PPA2: variants seen among roughly 807,000 people sequenced by gnomAD.
The protein encoded by PPA2 is inorganic pyrophosphatase 2, mitochondrial.
Under a neutral mutation model 49.5 loss-of-function variants are expected in PPA2, and 48 were observed. That is an observed-to-expected ratio of 0.97 (90% confidence interval 0.77 to 1.23). The LOEUF (loss-of-function observed/expected upper bound fraction) is 1.23. PPA2 is among the 50% of genes most tolerant of loss of function. The pLI is 0.00. For missense variants in PPA2, 429 were observed against 410.1 expected (o/e 1.05, Z -0.40); for synonymous variants, 131 against 139.9 (o/e 0.94, Z 0.45).
At chr4:105,398,951 A>G in intron 8 of PPA2, 86 bp downstream of exon 8, 1 of 1,427,214 alleles carries the variant, frequency 7.0e-7, no homozygotes, top group Admixed American at 2.2e-5. Context: ...CTATATATAC[A>G]TATTCACATA....
chr4:105,411,950 C>A (rs1048622645), intron 7 of PPA2, among the ~76,000 whole-genome samples: 8 of 152,136 alleles, frequency 5.3e-5, no homozygotes, highest in African/African-American at 1.9e-4. Flanking sequence ...AAGCCACAAA[C>A]AAATGGAAAA....
chr4:105,441,549 T>A (rs899140775), intron 5 of PPA2, among the ~76,000 whole-genome samples: 66 of 152,162 alleles, frequency 4.3e-4, no homozygotes, highest in African/African-American at 1.6e-3. Context: ...ATACAACTCA[T>A]AATTTGACTA....
At chr4:105,432,481 T>A (rs1178450183) in intron 6 of PPA2, among the ~76,000 whole-genome samples, 2 of 152,218 alleles carry the variant, frequency 1.3e-5, no homozygotes, top group Non-Finnish European at 2.9e-5. Flanking sequence ...TAGAATTCTG[T>A]CATTTTGAAT....
chr4:105,403,813 G>T (rs1452174280), intron 7 of PPA2, among the ~76,000 whole-genome samples: 1 of 151,794 alleles, frequency 6.6e-6, no homozygotes. Flanking sequence ...CTTCACTGGG[G>T]ATACTGTATA....
At chr4:105,441,765 A>G (rs1724373858) in intron 5 of PPA2, among the ~76,000 whole-genome samples, 1 of 152,198 alleles carries the variant, frequency 6.6e-6, no homozygotes, top group Admixed American at 6.5e-5. Flanking sequence ...TACACATATT[A>G]TTGTTATACC....
At chr4:105,461,253 A>G (rs1723079348) in intron 1 of PPA2, among the ~76,000 whole-genome samples, 1 of 152,210 alleles carries the variant, frequency 6.6e-6, no homozygotes, top group South Asian at 2.1e-4. Context: ...GTTGAGCTTC[A>G]TGCTTCTCCA....
chr4:105,404,792 A>G (rs1412194064), intron 7 of PPA2, among the ~76,000 whole-genome samples: 2 of 152,150 alleles, frequency 1.3e-5, no homozygotes, highest in African/African-American at 4.8e-5. Context: ...TTCAAAAATA[A>G]ATACACAGGC....
intron 10 of PPA2, among the ~76,000 whole-genome samples, chr4:105,381,659 G>C (rs972793514): frequency 1.3e-5 from 2 of 151,996 alleles, no homozygotes; most frequent in Non-Finnish European, 2.9e-5. Flanking sequence ...GTTGCAAAAA[G>C]CTTCTCAGTA....
chr4:105,371,553 T>C (rs1733028429), intron 10 of PPA2, among the ~76,000 whole-genome samples: 1 of 152,080 alleles, frequency 6.6e-6, no homozygotes, highest in Non-Finnish European at 1.5e-5. Context: ...ACCCCTTCCT[T>C]CCTAGCAATA....
chr4:105,461,762 T>C (rs186460686), intron 1 of PPA2, among the ~76,000 whole-genome samples: 1 of 152,332 alleles, frequency 6.6e-6, no homozygotes, highest in Non-Finnish European at 1.5e-5. Flanking sequence ...GCAATATGTA[T>C]TTACAGAGTG....
chr4:105,457,483 C>T (rs1722918051), intron 1 of PPA2, among the ~76,000 whole-genome samples: 1 of 152,170 alleles, frequency 6.6e-6, no homozygotes. Flanking sequence ...TGACCTGCTA[C>T]CTGTTTGGCA....
chr4:105,401,566 AGATAT>A (rs1024467010), intron 7 of PPA2, among the ~76,000 whole-genome samples: 1 of 152,184 alleles, frequency 6.6e-6, no homozygotes, highest in African/African-American at 2.4e-5. Context: ...ATCTTTGATT[AGATAT>A]ATTTTTTTAC....
intron 1 of PPA2, among the ~76,000 whole-genome samples, chr4:105,472,122 T>C (rs1381649225): frequency 6.6e-6 from 1 of 152,210 alleles, no homozygotes; most frequent in African/African-American, 2.4e-5. Context: ...ATACCAGTGC[T>C]GAGAAGGACC....
Position 105,438,052 on chromosome 4 carries a change from T to TA in PPA2, c.442-17dup, listed in dbSNP as rs764567038. On this transcript the variant is annotated splice_polypyrimidine_tract_variant and intron_variant, in intron 5 of 11. Transcript: ENST00000341695. ...CTTCCCAAGTCTAAAATTTTTTTTTTAAAAAAAAGCAGAAATGTAAGTTAA... is the reference window on the plus strand; with the variant it reads ...CTTCCCAAGTCTAAAATTTTTTTTTTAAAAAAAAAGCAGAAATGTAAGTTAA... 4.4e-5 allele frequency: 66 copies of TA among 1,499,138 alleles called. No individual in the cohort carries two copies. The highest frequency in any genetic ancestry group is 8.1e-5 in the Admixed American group (4 of 49,126). 92.9% of individuals were successfully genotyped at this position (1,499,138 alleles called of 1,614,324 possible).
chr4:105,419,292 T>C (rs1723147715), intron 7 of PPA2, among the ~76,000 whole-genome samples: 1 of 152,200 alleles, frequency 6.6e-6, no homozygotes, highest in Admixed American at 6.5e-5. Flanking sequence ...TATCTCCTAA[T>C]GCTATTCCTC....
intron 7 of PPA2, among the ~76,000 whole-genome samples, chr4:105,415,662 G>A (rs541637942): frequency 1.3e-5 from 2 of 152,246 alleles, no homozygotes; most frequent in South Asian, 4.1e-4. Flanking sequence ...AACTCGGAAG[G>A]GGGTGGGGCT....
intron 8 of PPA2, among the ~76,000 whole-genome samples, chr4:105,396,725 C>A (rs1734165403): frequency 6.6e-6 from 1 of 152,158 alleles, no homozygotes. Flanking sequence ...ATCATACGAT[C>A]TGCAAAGCCT....
At chr4:105,473,665 G>A in intron 1 of PPA2, 1 of 781,298 alleles carries the variant, frequency 1.3e-6, no homozygotes, top group Middle Eastern at 2.3e-4. Flanking sequence ...GCAGCCCTGC[G>A]CCTCTGCTCT....
intron 9 of PPA2, 83 bp downstream of exon 9, chr4:105,396,166 C>G (rs1279733173): frequency 1.1e-6 from 1 of 896,140 alleles, no homozygotes; most frequent in Non-Finnish European, 1.7e-6. Context: ...AAAAAAAATG[C>G]AAAAATCTGA....
Sources: gnomAD v4.1 joint callset for allele counts (sites outside exome capture counted in the v4.1 genomes callset) on GRCh38, gnomAD v4.1.1 for gene constraint, MANE v1.5 for transcripts, NCBI Gene and HGNC (gene_info 2026-07-23, HGNC 2026-07-21) for gene names.